GPC5: variants seen among roughly 807,000 people sequenced by gnomAD.
GPC5 encodes glypican 5, also known as glypican-5.
In GPC5, 47 loss-of-function variants were observed where a neutral mutation model predicts 53.9. The observed-to-expected ratio is 0.87, with a 90% CI of 0.69 to 1.11. The LOEUF (loss-of-function observed/expected upper bound fraction) is 1.11. Among genes scored for constraint, GPC5 ranks in the 50% most tolerant of loss-of-function variants. GPC5 has a pLI of 0.00. For missense variants in GPC5, 748 were observed against 713.1 expected (o/e 1.05, Z -0.56); for synonymous variants, 286 against 263.3 (o/e 1.09, Z -0.84).
intron 5 of GPC5, among the ~76,000 whole-genome samples, chr13:91,761,717 TG>T (rs1177469368): frequency 1.3e-5 from 2 of 152,198 alleles, no homozygotes; most frequent in African/African-American, 4.8e-5. Flanking sequence ...GTGTCCTCTC[TG>T]GGCAGCTGCC....
intron 2 of GPC5, among the ~76,000 whole-genome samples, chr13:91,527,513 T>C (rs1485329484): frequency 6.6e-6 from 1 of 152,222 alleles, no homozygotes; most frequent in Non-Finnish European, 1.5e-5. Context: ...ACAGCTGGCA[T>C]TGAGTGCCTA....
At chr13:92,033,053 G>GTGTGTGTT (rs762728999) in intron 6 of GPC5, among the ~76,000 whole-genome samples, 50 of 151,532 alleles carry the variant, frequency 3.3e-4, no homozygotes, top group Non-Finnish European at 6.2e-4. Context: ...GTGTGTGTGT[G>GTGTGTGTT]TGTGTGTGTG....
chr13:92,584,935 T>C (rs1293544393), intron 7 of GPC5, among the ~76,000 whole-genome samples: 1 of 152,096 alleles, frequency 6.6e-6, no homozygotes, highest in Non-Finnish European at 1.5e-5. Context: ...AAGTCAAGAA[T>C]TGAGGTTTGG....
intron 2 of GPC5, among the ~76,000 whole-genome samples, chr13:91,469,278 T>C (rs1295357048): frequency 6.6e-6 from 1 of 152,062 alleles, no homozygotes; most frequent in Non-Finnish European, 1.5e-5. Context: ...CCAGCTCATT[T>C]TTGTATTTTT....
At chr13:92,615,381 A>G (rs1388852430) in intron 7 of GPC5, among the ~76,000 whole-genome samples, 1 of 152,228 alleles carries the variant, frequency 6.6e-6, no homozygotes, top group African/African-American at 2.4e-5. Flanking sequence ...TTCCAGAAGT[A>G]TGGAAAATGC....
At chr13:92,195,306 A>G (rs1040817741) in intron 7 of GPC5, among the ~76,000 whole-genome samples, 32 of 152,314 alleles carry the variant, frequency 2.1e-4, no homozygotes, top group Non-Finnish European at 1.6e-4. Flanking sequence ...AGCGTCTGGT[A>G]TTATAAATTT....
rs186432899 is a variant in GPC5 at position 91,610,974 on chromosome 13, T to C, written c.326-82213T>C. On this transcript the variant is annotated intron_variant, in intron 2 of 7. Transcript: ENST00000377067. ...TAACACCACTTTCTAGCAAATGAGG[T>C]CTTAAAAGTGACAGTTTTGGTAAGT... 2.0e-5 allele frequency among the ~76,000 whole-genome samples: 3 copies of C among 152,310 alleles called. No individual in the cohort carries two copies. In the East Asian group the frequency reaches 5.8e-4, roughly 29 times the overall value.
intron 5 of GPC5, among the ~76,000 whole-genome samples, chr13:91,792,521 T>C (rs2037982231): frequency 6.6e-6 from 1 of 152,190 alleles, no homozygotes; most frequent in Non-Finnish European, 1.5e-5. Flanking sequence ...CACCCTTTCA[T>C]TCTTAGACCC....
intron 6 of GPC5, among the ~76,000 whole-genome samples, chr13:92,033,036 C>CTGT (rs1491249102): frequency 7.2e-6 from 1 of 138,992 alleles, no homozygotes; most frequent in Non-Finnish European, 1.5e-5. Flanking sequence ...TAGTTATTGT[C>CTGT]GTGTGTGTGT....
chr13:92,754,984 C>T lies in GPC5; in HGVS notation c.1562-111298C>T, dbSNP rs1231514794. 5.9e-5 allele frequency among the ~76,000 whole-genome samples: 9 copies of T among 152,206 alleles called. No individual in the cohort carries two copies. The East Asian group carries it at 9.7e-4, about 16-fold the overall frequency. On this transcript the variant is annotated intron_variant, in intron 7 of 7. Coordinates refer to ENST00000377067, the MANE Select transcript of GPC5 (RefSeq NM_004466.6). The stretch of plus-strand genomic sequence containing the variant: ...TCAGCTCTGCACCAAGCGGACCTAA[C>T]ACACATCTACAGAACTCTCCACCCC...
intron 7 of GPC5, among the ~76,000 whole-genome samples, chr13:92,619,680 T>C (rs137931045): frequency 4.6e-5 from 7 of 152,112 alleles, no homozygotes; most frequent in East Asian, 3.9e-4. Context: ...AGATGAGATG[T>C]AGGAGAGATT....
intron 7 of GPC5, among the ~76,000 whole-genome samples, chr13:92,172,095 C>T (rs949049227): frequency 3.9e-5 from 6 of 152,098 alleles, no homozygotes; most frequent in Admixed American, 1.3e-4. Flanking sequence ...CTCTAAGAAG[C>T]ATAATAGTAT....
chr13:92,067,812 T>C lies in GPC5; in HGVS notation c.1402-77018T>C, dbSNP rs566900768. ...GTCTATATACCCTCACTTGTGAACA[T>C]ATATTCATAACCACATGTATAAACA... is the stretch of plus-strand genomic sequence containing the variant. On this transcript the variant is annotated intron_variant, in intron 6 of 7. Coordinates refer to ENST00000377067, the MANE Select transcript of GPC5 (RefSeq NM_004466.6). Among the ~76,000 whole-genome samples the C allele has an allele frequency of 6.6e-5, 10 of 152,114 alleles. No homozygotes were observed. The East Asian group carries it at 1.3e-3, about 21-fold the overall frequency.
intron 2 of GPC5, among the ~76,000 whole-genome samples, chr13:91,576,321 GTATA>G (rs59110803): frequency 1.0e-4 from 12 of 115,758 alleles, no homozygotes; most frequent in Non-Finnish European, 1.5e-4. Flanking sequence ...TACACAATGT[GTATA>G]TATATATATA....
intron 7 of GPC5, among the ~76,000 whole-genome samples, chr13:92,199,577 G>T (rs2042280188): frequency 1.3e-5 from 2 of 152,212 alleles, no homozygotes; most frequent in South Asian, 4.1e-4. Flanking sequence ...CAATTAGACT[G>T]TAATTACAAA....
chr13:91,618,073 T>C (rs567666363), intron 2 of GPC5, among the ~76,000 whole-genome samples: 26 of 152,242 alleles, frequency 1.7e-4, no homozygotes, highest in Non-Finnish European at 3.5e-4. Context: ...ATTTGGCCCA[T>C]GGACTGTAGT....
intron 7 of GPC5, among the ~76,000 whole-genome samples, chr13:92,419,222 A>G (rs1876451900): frequency 6.6e-6 from 1 of 152,190 alleles, no homozygotes; most frequent in Admixed American, 6.5e-5. Context: ...TCTCATGACA[A>G]TGAGACAGAA....
chr13:92,294,178 T>C (rs1290407477), intron 7 of GPC5, among the ~76,000 whole-genome samples: 1 of 152,150 alleles, frequency 6.6e-6, no homozygotes, highest in Non-Finnish European at 1.5e-5. Flanking sequence ...CCTTTCCTGG[T>C]TTTGGTATTA....
At chr13:91,556,413 A>G (rs1362415053) in intron 2 of GPC5, among the ~76,000 whole-genome samples, 2 of 151,970 alleles carry the variant, frequency 1.3e-5, no homozygotes, top group East Asian at 3.9e-4. Flanking sequence ...ATTATATGAA[A>G]ATATACTTGC....
Sources: gnomAD v4.1 joint callset for allele counts (sites outside exome capture counted in the v4.1 genomes callset) on GRCh38, gnomAD v4.1.1 for gene constraint, MANE v1.5 for transcripts, NCBI Gene and HGNC (gene_info 2026-07-23, HGNC 2026-07-21) for gene names.